ZFAT: variants seen among roughly 807,000 people sequenced by gnomAD.
The protein encoded by ZFAT is zinc finger and AT-hook domain containing.
In ZFAT, 64 loss-of-function variants were observed where a neutral mutation model predicts 117.7. The observed-to-expected ratio is 0.54, with a 90% CI of 0.44 to 0.67. The LOEUF is 0.67. ZFAT is among the 30% of genes least tolerant of loss of function. ZFAT has a pLI of 0.00. For missense variants in ZFAT, 1,433 were observed against 1,584.5 expected (o/e 0.90, Z 1.62); for synonymous variants, 679 against 615.0 (o/e 1.10, Z -1.54).
chr8:134,712,780 C>T (rs1332771592), intron 1 of ZFAT, 65 bp downstream of exon 1: 85 of 1,418,162 alleles, frequency 6.0e-5, no homozygotes, highest in African/African-American at 7.5e-5. Context: ...CTCGAAACGG[C>T]TTTCCGCGCG....
intron 3 of ZFAT, among the ~76,000 whole-genome samples, chr8:134,631,058 G>A (rs974081464): frequency 1.4e-4 from 21 of 152,192 alleles, no homozygotes; most frequent in African/African-American, 4.3e-4. Context: ...AGCTTCAACC[G>A]TGGCTGGAAA....
the ZFAT span, among the ~76,000 whole-genome samples, chr8:134,814,724 A>G: frequency 6.6e-6 from 1 of 152,238 alleles, no homozygotes; most frequent in Non-Finnish European, 1.5e-5. Context: ...TGATGCCTGC[A>G]ACTTGTGTAG....
At chr8:134,744,542 T>G in the ZFAT span, among the ~76,000 whole-genome samples, 2 of 151,674 alleles carry the variant, frequency 1.3e-5, no homozygotes, top group Non-Finnish European at 2.9e-5. Flanking sequence ...GTGATCCACC[T>G]GCCCCAGCCT....
chr8:134,500,082 C>CG (rs1818857766), intron 15 of ZFAT, among the ~76,000 whole-genome samples: 5 of 152,212 alleles, frequency 3.3e-5, no homozygotes, highest in Admixed American at 2.0e-4. Context: ...GACAGCTCTG[C>CG]CTCACTCCCG....
At chr8:134,623,799 C>A (rs1444379371) in intron 3 of ZFAT, among the ~76,000 whole-genome samples, 1 of 152,032 alleles carries the variant, frequency 6.6e-6, no homozygotes, top group Non-Finnish European at 1.5e-5. Context: ...CTACCCCCAG[C>A]CCCACTCTTC....
At chr8:134,741,373 T>G in the ZFAT span, among the ~76,000 whole-genome samples, 1 of 152,234 alleles carries the variant, frequency 6.6e-6, no homozygotes, top group African/African-American at 2.4e-5. Flanking sequence ...TGAACACTTC[T>G]CGGAGTTGGG....
chr8:134,505,323 G>A (rs1276704884), intron 15 of ZFAT, among the ~76,000 whole-genome samples: 6 of 152,166 alleles, frequency 3.9e-5, no homozygotes, highest in African/African-American at 1.4e-4. Context: ...TCCCTTGTTA[G>A]ACTATTTGCC....
intron 1 of ZFAT, among the ~76,000 whole-genome samples, chr8:134,698,930 A>G (rs1473226941): frequency 6.6e-6 from 1 of 152,256 alleles, no homozygotes; most frequent in Non-Finnish European, 1.5e-5. Context: ...ATTAAAAAGG[A>G]AAAGTACAGA....
In ZFAT at chr8:134,519,510, G is replaced by C. The variant is rs1323672898; in HGVS notation, c.3234+1373C>G. The stretch of plus-strand genomic sequence containing the variant: ...TGTATACACATTCATATGTGCAGGT[G>C]TACATGTATCTACAACTAACTGTTG... On this transcript the variant is annotated intron_variant, in intron 13 of 15. Transcript: ENST00000377838. Among the ~76,000 whole-genome samples the C allele has an allele frequency of 8.5e-5, 13 of 152,282 alleles. No homozygotes were observed. The East Asian group carries it at 2.3e-3, about 27-fold the overall frequency.
the ZFAT span, among the ~76,000 whole-genome samples, chr8:134,789,462 A>G: frequency 6.6e-6 from 1 of 152,232 alleles, no homozygotes; most frequent in African/African-American, 2.4e-5. Context: ...ACTCTCTTCA[A>G]CATTTCTTTC....
At chr8:134,618,540 G>C (rs929962375) in intron 3 of ZFAT, among the ~76,000 whole-genome samples, 3 of 152,122 alleles carry the variant, frequency 2.0e-5, no homozygotes, top group Admixed American at 2.0e-4. Context: ...CCTGCTTGCT[G>C]GTTACCCCCT....
At chr8:134,755,274 G>A in the ZFAT span, among the ~76,000 whole-genome samples, 3 of 151,284 alleles carry the variant, frequency 2.0e-5, no homozygotes, top group Non-Finnish European at 2.9e-5. Flanking sequence ...AATGCCGGGC[G>A]TGGCGGCATG....
intron 11 of ZFAT, 114 bp downstream of exon 11, chr8:134,565,219 C>A: frequency 6.4e-7 from 1 of 1,554,726 alleles, no homozygotes; most frequent in Non-Finnish European, 8.7e-7. Flanking sequence ...CTAAGGGGGC[C>A]CCAAAGCGAA....
At chr8:134,633,034 G>A (rs530157168) in intron 3 of ZFAT, among the ~76,000 whole-genome samples, 20 of 151,930 alleles carry the variant, frequency 1.3e-4, no homozygotes, top group Non-Finnish European at 2.4e-4. Context: ...TAATTGATAC[G>A]CACATTCTAC....
At chr8:134,747,008 C>A in the ZFAT span, among the ~76,000 whole-genome samples, 3 of 152,146 alleles carry the variant, frequency 2.0e-5, no homozygotes, top group Non-Finnish European at 4.4e-5. Context: ...TATAAACTAC[C>A]TGTTAAAAAT....
chr8:134,663,621 C>A (rs775871384), intron 1 of ZFAT, among the ~76,000 whole-genome samples: 1 of 151,980 alleles, frequency 6.6e-6, no homozygotes, highest in Admixed American at 6.6e-5. Flanking sequence ...ACCTACAATC[C>A]CAGCTACTCG....
chr8:134,802,241 T>G, the ZFAT span, among the ~76,000 whole-genome samples: 2 of 152,198 alleles, frequency 1.3e-5, no homozygotes, highest in African/African-American at 4.8e-5. Context: ...TGAAACAGCC[T>G]TATTTTAAAA....
intron 5 of ZFAT, among the ~76,000 whole-genome samples, chr8:134,604,272 G>A (rs1226683830): frequency 2.0e-5 from 3 of 152,208 alleles, no homozygotes; most frequent in Non-Finnish European, 4.4e-5. Flanking sequence ...AGTAAGTGGT[G>A]AAGTCAGGAC....
intron 1 of ZFAT, among the ~76,000 whole-genome samples, chr8:134,670,705 G>C (rs1832518067): frequency 6.6e-6 from 1 of 152,130 alleles, no homozygotes; most frequent in Non-Finnish European, 1.5e-5. Context: ...AAAGAAGCAA[G>C]AGCAAACACA....
Sources: allele counts gnomAD v4.1 joint callset (sites outside exome capture counted in the v4.1 genomes callset), GRCh38; gene constraint gnomAD v4.1.1; transcripts MANE v1.5; gene names NCBI Gene and HGNC (gene_info 2026-07-23, HGNC 2026-07-21).